Variants in HIVEP3 observed in about 807,000 individuals in gnomAD.
HIVEP3 encodes the protein transcription factor HIVEP3.
HIVEP3 carries 49 observed loss-of-function variants against 152.8 expected under a neutral mutation model. That is an observed-to-expected ratio of 0.32 (90% CI 0.26 to 0.41). HIVEP3 has a LOEUF of 0.41. HIVEP3 is among the 10% of genes least tolerant of loss of function. HIVEP3 has a pLI of 1.00. For missense variants in HIVEP3, 2,790 were observed against 3,103.3 expected (o/e 0.90, Z 2.40); for synonymous variants, 1,269 against 1,289.0 (o/e 0.98, Z 0.33).
intron 1 of HIVEP3, among the ~76,000 whole-genome samples, chr1:41,837,993 C>A (rs1176056823): frequency 6.6e-6 from 1 of 152,198 alleles, no homozygotes; most frequent in African/African-American, 2.4e-5. Flanking sequence ...TACACCTTTG[C>A]TTTGGAATAC....
At chr1:41,525,008 T>C in intron 5 of HIVEP3, 98 bp from the exon 6 acceptor site, 1 of 1,165,694 alleles carries the variant, frequency 8.6e-7, no homozygotes, top group East Asian at 2.4e-5. Flanking sequence ...ATCCAGCCCG[T>C]TACAGACGCA....
intron 3 of HIVEP3, among the ~76,000 whole-genome samples, chr1:41,627,985 C>T (rs1645142291): frequency 6.6e-6 from 1 of 151,900 alleles, no homozygotes; most frequent in Admixed American, 6.6e-5. Context: ...AGAAAACATC[C>T]AAGGACTTGT....
At chr1:42,030,517 G>A (rs969936189) in intron 1 of HIVEP3, among the ~76,000 whole-genome samples, 2 of 152,114 alleles carry the variant, frequency 1.3e-5, no homozygotes, top group Admixed American at 6.5e-5. Flanking sequence ...CTCTACCAAG[G>A]AGGTTTAAAA....
intron 1 of HIVEP3, among the ~76,000 whole-genome samples, chr1:41,926,790 C>A (rs1484578492): frequency 6.6e-6 from 1 of 152,278 alleles, no homozygotes; most frequent in African/African-American, 2.4e-5. Flanking sequence ...TTTCTTGCAG[C>A]CTGAAGGTCC....
chr1:41,513,740 G>T lies in HIVEP3; in HGVS notation c.5481C>A (p.Asp1827Glu), dbSNP rs372654136. The T allele has an allele frequency of 2.6e-6, 4 of 1,562,618 alleles. No homozygotes were observed. The highest frequency in any genetic ancestry group is 3.5e-6 in the Non-Finnish European group (4 of 1,154,902). ...GTCCTTCCGAGTCCTGGAACAGGTC[G>T]TCACTGGTTCCTGAGGGCAAACACA... ...EELEAEEGTS[D>E]DLFQDSEGRE... The change falls in exon 8 of 9, where the codon GAC becomes GAA. Residue 1827 changes from aspartate to glutamate, a missense_variant. Asp to Glu is a conservative substitution (Grantham distance 45, BLOSUM62 2). This residue lies in a region of HIVEP3 where 816 missense variants were observed against 806.5 expected (regional missense o/e 1.01). Transcript: ENST00000372583.
At chr1:41,776,797 AC>A (rs1369477742) in intron 1 of HIVEP3, among the ~76,000 whole-genome samples, 1 of 152,150 alleles carries the variant, frequency 6.6e-6, no homozygotes, top group Non-Finnish European at 1.5e-5. Flanking sequence ...CTTTCTGGAA[AC>A]CCCTTCAGCT....
At chr1:41,730,884 G>T (rs1646829729) in intron 1 of HIVEP3, among the ~76,000 whole-genome samples, 1 of 152,176 alleles carries the variant, frequency 6.6e-6, no homozygotes. Context: ...AATGGGACTA[G>T]CTGAGGCTTC....
chr1:41,836,027 G>A (rs1237015224), intron 1 of HIVEP3, among the ~76,000 whole-genome samples: 1 of 152,178 alleles, frequency 6.6e-6, no homozygotes, highest in Admixed American at 6.5e-5. Flanking sequence ...GAACAGGACA[G>A]TCCATGAACC....
intron 3 of HIVEP3, among the ~76,000 whole-genome samples, chr1:41,621,817 C>A (rs184231979): frequency 4.3e-4 from 65 of 152,308 alleles, no homozygotes; most frequent in African/African-American, 1.4e-3. Context: ...CAGGCCTGGT[C>A]AGCCCTGCTC....
chr1:41,944,027 A>C (rs1417551066), intron 1 of HIVEP3, among the ~76,000 whole-genome samples: 2 of 152,252 alleles, frequency 1.3e-5, no homozygotes, highest in Non-Finnish European at 2.9e-5. Context: ...ACAAAATAAC[A>C]AATACTGAAT....
intron 5 of HIVEP3, among the ~76,000 whole-genome samples, chr1:41,547,591 C>T (rs1466111195): frequency 6.6e-6 from 1 of 152,084 alleles, no homozygotes; most frequent in Non-Finnish European, 1.5e-5. Flanking sequence ...AGGCAGCCTC[C>T]GGCACTCTGG....
chr1:41,626,320 G>C (rs1446818168), intron 3 of HIVEP3, among the ~76,000 whole-genome samples: 1 of 152,238 alleles, frequency 6.6e-6, no homozygotes, highest in Admixed American at 6.5e-5. Context: ...GCAGCACCAA[G>C]TCAGCACCTC....
At chr1:42,007,040 G>A (rs3856257) in intron 1 of HIVEP3, among the ~76,000 whole-genome samples, 68,062 of 151,992 alleles carry the variant, frequency 0.45, 16,824 homozygotes, top group East Asian at 0.71. Flanking sequence ...GTGTTTCCAC[G>A]TGTACAGAAG....
chr1:41,698,409 T>C (rs2124122758), intron 2 of HIVEP3, among the ~76,000 whole-genome samples: 1 of 152,304 alleles, frequency 6.6e-6, no homozygotes. Context: ...GCAGGTAATG[T>C]GTGCCTTCAA....
chr1:41,837,312 CTTTTTATTATTTTTA>C (rs1377726457), intron 1 of HIVEP3, among the ~76,000 whole-genome samples: 6 of 152,074 alleles, frequency 3.9e-5, no homozygotes, highest in African/African-American at 1.4e-4. Context: ...ACTTTTTGCT[CTTTTTATTATTTTTA>C]TTTTTATTAT....
Position 41,584,752 on chromosome 1 carries a change from T to C in HIVEP3, c.46A>G (p.Ser16Gly). Residue 16 changes from serine (S) to glycine (G), a missense_variant, in exon 4 of 9, where the codon AGT becomes GGT. Ser to Gly is a moderately conservative substitution (Grantham distance 56). Coordinates refer to ENST00000372583, the MANE Select transcript of HIVEP3 (RefSeq NM_024503.5). The surrounding 1 kb of genome is among the most constrained non-coding windows in gnomAD (Gnocchi z 5.2). ...SVKGTKKAEG[S>G]PRKRLTKGEA... Reference sequence around the variant, plus strand: ...CCTTTGGTCAGCCGCTTCCGGGGACTTCCCTCAGCCTTCTTGGTGCCCTTG... The same window carrying C: ...CCTTTGGTCAGCCGCTTCCGGGGACCTCCCTCAGCCTTCTTGGTGCCCTTG... The C allele has an allele frequency of 6.6e-7, 1 of 1,519,796 alleles. No homozygotes were observed. Among genetic ancestry groups the C allele is most frequent in the Non-Finnish European group, 8.8e-7 (1 of 1,135,784 alleles). The allele number at this position is 1,519,796 out of a possible 1,614,324, so 94.1% of individuals were successfully genotyped here. A position where few individuals can be genotyped will look rare whatever the true frequency, so the allele number is the denominator to read the frequency against.
In HIVEP3 at chr1:41,719,137, A is replaced by T. The variant is rs1355426515; in HGVS notation, c.-800-18142T>A. Among the ~76,000 whole-genome samples the T allele has an allele frequency of 2.6e-5, 4 of 152,266 alleles. No individual in the cohort carries two copies. In the East Asian group the frequency reaches 7.7e-4, roughly 29 times the overall value. ...GACAAGAGCTGCACAAAGGACAACC[A>T]GGTACCCTGGAAGACTTCCTGGAGG... is the stretch of plus-strand genomic sequence containing the variant. On this transcript the variant is annotated intron_variant, in intron 1 of 8. Transcript: ENST00000372583.
chr1:41,526,441 C>A (rs116582277), intron 5 of HIVEP3, among the ~76,000 whole-genome samples: 1 of 146,682 alleles, frequency 6.8e-6, no homozygotes, highest in African/African-American at 2.6e-5. Flanking sequence ...CTCATACGCT[C>A]ACCCTCACAC....
At chr1:41,746,227 G>A (rs1380571768) in intron 1 of HIVEP3, among the ~76,000 whole-genome samples, 2 of 152,174 alleles carry the variant, frequency 1.3e-5, no homozygotes, top group Non-Finnish European at 2.9e-5. Context: ...ATAATAATGG[G>A]TACCAAATGA....
Sources: gnomAD v4.1 joint callset for allele counts (sites outside exome capture counted in the v4.1 genomes callset) on GRCh38, gnomAD v4.1.1 for gene constraint, gnomAD v4.1.1 regional missense constraint, Gnocchi (gnomAD v3.1) non-coding constraint, MANE v1.5 for transcripts, NCBI Gene and HGNC (gene_info 2026-07-23, HGNC 2026-07-21) for gene names.